REEP1: variants seen among roughly 807,000 people sequenced by gnomAD.
The protein encoded by REEP1 is receptor expression-enhancing protein 1.
In REEP1, 22 loss-of-function variants were observed where a neutral mutation model predicts 40.3. The observed-to-expected ratio is 0.55, with a 90% CI of 0.39 to 0.78. The LOEUF is 0.78. Ranked by LOEUF, REEP1 falls within the 30% of genes least tolerant of loss-of-function variation. The probability of loss-of-function intolerance (pLI) is 0.00; values close to 1 mark genes in which losing one functional copy is unlikely to be tolerated. For synonymous variants in REEP1, 116 were observed against 139.2 expected (o/e 0.83, Z 1.17); for missense variants, 280 against 361.1 (o/e 0.78, Z 1.82).
intron 5 of REEP1, among the ~76,000 whole-genome samples, chr2:86,239,061 T>A (rs1460878313): frequency 6.6e-6 from 1 of 152,044 alleles, no homozygotes; most frequent in Non-Finnish European, 1.5e-5. Flanking sequence ...TGTCCTTTTA[T>A]AATTCTGCAC....
At chr2:86,232,521 C>A in intron 6 of REEP1, 104 bp downstream of exon 6, 2 of 1,377,066 alleles carry the variant, frequency 1.5e-6, no homozygotes, top group South Asian at 1.2e-5. Context: ...GGTGGCAGGT[C>A]CGTGGGGCCA....
At chr2:86,252,129 C>A in intron 4 of REEP1, 59 bp from the exon 5 acceptor site, 1 of 1,204,040 alleles carries the variant, frequency 8.3e-7, no homozygotes, top group South Asian at 1.2e-5. Flanking sequence ...TCTCTGTTTT[C>A]TTTCCTTTCC....
At chr2:86,311,520 C>A (rs1225261532) in intron 1 of REEP1, among the ~76,000 whole-genome samples, 3 of 152,148 alleles carry the variant, frequency 2.0e-5, no homozygotes, top group African/African-American at 7.2e-5. Context: ...CCTAGGTTCT[C>A]ACAGCTGCTG....
At chr2:86,251,536 C>T in intron 5 of REEP1, 2 of 273,552 alleles carry the variant, frequency 7.3e-6, no homozygotes, top group South Asian at 8.3e-5. Context: ...CACCTGTCCA[C>T]TGCATTTAGG....
At chr2:86,290,287 G>A (rs1678626108) in intron 1 of REEP1, among the ~76,000 whole-genome samples, 1 of 152,184 alleles carries the variant, frequency 6.6e-6, no homozygotes, top group South Asian at 2.1e-4. Flanking sequence ...AGATGGGGAG[G>A]TGGGAGGTTG....
intron 7 of REEP1, among the ~76,000 whole-genome samples, chr2:86,222,161 C>G (rs1047338687): frequency 6.6e-6 from 1 of 152,186 alleles, no homozygotes; most frequent in African/African-American, 2.4e-5. Context: ...CTCACACTTA[C>G]CAAAATCACC....
In REEP1 at chr2:86,313,312, T is replaced by C. The variant is rs1162871305; in HGVS notation, c.32+24167A>G. 4.0e-5 allele frequency among the ~76,000 whole-genome samples: 6 copies of C among 151,388 alleles called. No homozygotes were observed. In the East Asian group the frequency reaches 9.7e-4, roughly 24 times the overall value. On this transcript the variant is annotated intron_variant, in intron 1 of 8. Transcript: ENST00000538924. ...TTTCTTTTCTTTTCTTTTTTTTTTT[T>C]TTGGTGTGTAGAGACAAGGTCTTGC... is the stretch of plus-strand genomic sequence containing the variant.
intron 1 of REEP1, among the ~76,000 whole-genome samples, chr2:86,299,044 T>C (rs982610657): frequency 1.3e-5 from 2 of 152,194 alleles, no homozygotes; most frequent in African/African-American, 2.4e-5. Flanking sequence ...GCTCAAAAGA[T>C]ACCATTGTTC....
intron 1 of REEP1, among the ~76,000 whole-genome samples, chr2:86,323,950 T>C (rs1205316945): frequency 2.0e-5 from 3 of 152,088 alleles, no homozygotes; most frequent in African/African-American, 7.2e-5. Flanking sequence ...GAAAACTGGC[T>C]TTTCATGTGA....
At chr2:86,323,941 A>C (rs1009871394) in intron 1 of REEP1, among the ~76,000 whole-genome samples, 7 of 152,214 alleles carry the variant, frequency 4.6e-5, no homozygotes, top group Non-Finnish European at 8.8e-5. Context: ...TAGAGCCAGG[A>C]AAACTGGCTT....
intron 1 of REEP1, among the ~76,000 whole-genome samples, chr2:86,320,390 G>A (rs965164370): frequency 6.6e-5 from 10 of 152,094 alleles, no homozygotes; most frequent in Non-Finnish European, 1.2e-4. Flanking sequence ...CTTCCCTGGA[G>A]GAATTCACCT....
At chr2:86,335,806 G>A (rs1028696014) in intron 1 of REEP1, among the ~76,000 whole-genome samples, 2 of 146,268 alleles carry the variant, frequency 1.4e-5, no homozygotes, top group African/African-American at 5.1e-5. Flanking sequence ...CCGAGACTGT[G>A]CCACTGCACT....
chr2:86,295,943 T>C (rs1472120791), intron 1 of REEP1, among the ~76,000 whole-genome samples: 1 of 152,198 alleles, frequency 6.6e-6, no homozygotes, highest in Admixed American at 6.5e-5. Flanking sequence ...CTGAAGAGAA[T>C]AGATAAAACT....
At chr2:86,281,363 G>A (rs1315634789) in intron 2 of REEP1, among the ~76,000 whole-genome samples, 1 of 152,140 alleles carries the variant, frequency 6.6e-6, no homozygotes, top group Non-Finnish European at 1.5e-5. Flanking sequence ...CGGGCACTGT[G>A]GCACGCCTAT....
chr2:86,267,168 T>C, intron 2 of REEP1, among the ~76,000 whole-genome samples: 1 of 152,142 alleles, frequency 6.6e-6, no homozygotes, highest in Non-Finnish European at 1.5e-5. Flanking sequence ...CTTAAATCTC[T>C]TCTCAAATTG....
intron 1 of REEP1, among the ~76,000 whole-genome samples, chr2:86,297,298 C>T (rs1223877339): frequency 2.0e-5 from 3 of 152,234 alleles, no homozygotes; most frequent in African/African-American, 4.8e-5. Flanking sequence ...TTTGCTATAC[C>T]ACTTACTAGA....
At chr2:86,286,860 C>G (rs1239444579) in intron 1 of REEP1, among the ~76,000 whole-genome samples, 1 of 152,028 alleles carries the variant, frequency 6.6e-6, no homozygotes, top group African/African-American at 2.4e-5. Flanking sequence ...TGTCCCAATC[C>G]CAAATTGTGC....
rs1040141416 is a variant in REEP1, at chr2:86,215,056, T to C, written c.*1983A>G. On this transcript the variant is annotated 3_prime_UTR_variant, in exon 9 of 9. Coordinates refer to ENST00000538924, the MANE Select transcript of REEP1 (RefSeq NM_001371279.1). ...TTTTTTTTTTTTTTTTGCATTCGTT[T>C]CTGATAATTCTGGGTACTTCCAACT... The C allele has an allele frequency of 6.8e-6, 1 of 146,918 alleles. No homozygotes were observed. The highest frequency in any genetic ancestry group is 1.5e-5 in the Non-Finnish European group (1 of 66,590). 9.1% of individuals were successfully genotyped at this position (146,918 alleles called of 1,614,324 possible).
chr2:86,220,052 G>A lies in REEP1; in HGVS notation c.701C>T (p.Ala234Val), dbSNP rs143758713. Reference protein sequence around the residue: ...WEPHQVQNPLAFSDDEEEDLL... With the variant: ...WEPHQVQNPLVFSDDEEEDLL... Reference sequence around the variant, plus strand: ...GTCTTCCTCCTCGTCGTCAGAAAACGCCAATGGGTTTTGGACCTGGTGGGG... The same window carrying A: ...GTCTTCCTCCTCGTCGTCAGAAAACACCAATGGGTTTTGGACCTGGTGGGG... Residue 234 changes from alanine to valine, a missense_variant, in exon 8 of 9, where the codon GCG becomes GTG. By Grantham distance (64) the Ala-to-Val change is moderately conservative. Around this residue, in one of 3 missense-constraint regions of REEP1, gnomAD observed 201 missense variants for 238.5 expected, o/e 0.84. Coordinates refer to ENST00000538924, the MANE Select transcript of REEP1 (RefSeq NM_001371279.1). 9.2e-4 allele frequency: 1,137 copies of A among 1,232,066 alleles called. 18 individuals carry two copies. The East Asian group carries it at 0.031, about 34-fold the overall frequency. 76.3% of individuals were successfully genotyped at this position (1,232,066 alleles called of 1,614,324 possible).
Sources: allele counts gnomAD v4.1 joint callset (sites outside exome capture counted in the v4.1 genomes callset), GRCh38; gene constraint gnomAD v4.1.1; regional missense constraint gnomAD v4.1.1; transcripts MANE v1.5; gene names NCBI Gene and HGNC (gene_info 2026-07-23, HGNC 2026-07-21).